The following PHLPP2 variants were observed in gnomAD, a reference collection of about 807,000 sequenced individuals.
PHLPP2 encodes the protein PH domain leucine-rich repeat-containing protein phosphatase 2.
A neutral mutation model predicts 124.9 loss-of-function variants in PHLPP2; 66 were observed. The ratio of observed to expected loss-of-function variants is 0.53; its 90% CI spans 0.43 to 0.65. The LOEUF (loss-of-function observed/expected upper bound fraction) is 0.65, where lower values mean the gene tolerates loss of function less well. PHLPP2 is among the 30% of genes least tolerant of loss of function. The pLI is 0.00. For missense variants in PHLPP2, 1,685 were observed against 1,600.4 expected (o/e 1.05, Z -0.90); for synonymous variants, 681 against 624.7 (o/e 1.09, Z -1.34).
intron 3 of PHLPP2, among the ~76,000 whole-genome samples, chr16:71,691,409 C>G (rs535168166): frequency 2.5e-4 from 38 of 151,682 alleles, no homozygotes; most frequent in Admixed American, 4.6e-4. Context: ...TGCAGTGAGC[C>G]AAGATCATGC....
At chr16:71,695,785 A>G (rs1414528458) in intron 3 of PHLPP2, among the ~76,000 whole-genome samples, 1 of 152,034 alleles carries the variant, frequency 6.6e-6, no homozygotes, top group African/African-American at 2.4e-5. Flanking sequence ...TCCAAGACAA[A>G]CTCTTGGGTG....
At chr16:71,671,615 T>C (rs1475106131) in intron 10 of PHLPP2, among the ~76,000 whole-genome samples, 3 of 151,790 alleles carry the variant, frequency 2.0e-5, no homozygotes, top group Admixed American at 6.6e-5. Flanking sequence ...TAAATAATAT[T>C]TTAAAAACCC....
intron 18 of PHLPP2, 126 bp downstream of exon 18, chr16:71,652,664 A>G: frequency 1.5e-6 from 1 of 668,116 alleles, no homozygotes; most frequent in Non-Finnish European, 2.6e-6. Flanking sequence ...TCTGCATTGA[A>G]CTTTTATCTG....
chr16:71,648,700 G>GACA lies in PHLPP2; in HGVS notation c.*187_*189dup. ...GACAGGAGAATGGCTTGAACCCAGG[G>GACA]ACAGAGGCTGCAGTGACCCGAGACC... On this transcript the variant is annotated 3_prime_UTR_variant, in exon 19 of 19. Coordinates refer to ENST00000568954, the MANE Select transcript of PHLPP2 (RefSeq NM_015020.3). The GACA allele has an allele frequency of 1.7e-6, 1 of 576,192 alleles. No homozygotes were observed. The highest frequency in any genetic ancestry group is 3.1e-6 in the Non-Finnish European group (1 of 325,380). 35.7% of individuals were successfully genotyped at this position (576,192 alleles called of 1,614,324 possible). A position where few individuals can be genotyped will look rare whatever the true frequency, so the allele number is the denominator to read the frequency against.
At chr16:71,703,974 T>C (rs1003692390) in intron 2 of PHLPP2, among the ~76,000 whole-genome samples, 1 of 152,202 alleles carries the variant, frequency 6.6e-6, no homozygotes, top group Non-Finnish European at 1.5e-5. Flanking sequence ...AAAGTCCGTA[T>C]GTGTTCAAAA....
intron 9 of PHLPP2, among the ~76,000 whole-genome samples, chr16:71,673,162 G>A (rs1427456801): frequency 6.6e-6 from 1 of 152,140 alleles, no homozygotes; most frequent in Non-Finnish European, 1.5e-5. Flanking sequence ...TAGTACTTCT[G>A]TGAACATATT....
rs1596984478 is a variant in PHLPP2, at chr16:71,649,027, C to T, written c.3835G>A (p.Asp1279Asn). 1.2e-6 allele frequency: 2 copies of T among 1,614,146 alleles called. No individual in the cohort carries two copies. The highest frequency in any genetic ancestry group is 1.7e-6 in the Non-Finnish European group (2 of 1,180,024). ...AGGTCATGAGGCACAACAAACTGGT[C>T]CTCTGGTTCCATCTGAGTGGGGGCA... ...FAAPTQMEPEDQFVVPHDLEE... is the reference protein window; with the variant it reads ...FAAPTQMEPENQFVVPHDLEE... Residue 1279 changes from aspartate to asparagine, a missense_variant, in exon 19 of 19, where the codon GAC becomes AAC. Physicochemically the swap from Asp to Asn is conservative, Grantham distance 23 (BLOSUM62 1). Transcript: ENST00000568954.
At chr16:71,690,294 C>G (rs2045097190) in intron 4 of PHLPP2, among the ~76,000 whole-genome samples, 1 of 152,182 alleles carries the variant, frequency 6.6e-6, no homozygotes, top group South Asian at 2.1e-4. Flanking sequence ...GCCCCAGAAT[C>G]TAATGCCTAG....
chr16:71,691,252 A>T (rs997801203), intron 3 of PHLPP2, among the ~76,000 whole-genome samples: 2 of 152,158 alleles, frequency 1.3e-5, no homozygotes, highest in Admixed American at 6.5e-5. Flanking sequence ...CAGGAGATCG[A>T]GACCATCCTG....
At chr16:71,673,694 A>G (rs1428960676) in intron 9 of PHLPP2, among the ~76,000 whole-genome samples, 2 of 152,162 alleles carry the variant, frequency 1.3e-5, no homozygotes, top group Non-Finnish European at 2.9e-5. Context: ...AAATATTTAC[A>G]AAGAGTAAAT....
intron 1 of PHLPP2, among the ~76,000 whole-genome samples, chr16:71,716,214 T>C (rs1025315848): frequency 6.6e-6 from 1 of 152,218 alleles, no homozygotes; most frequent in Admixed American, 6.5e-5. Flanking sequence ...GTTGACAGCA[T>C]TCAGTTTGCT....
At chr16:71,656,211 A>T (rs1296659483) in intron 16 of PHLPP2, among the ~76,000 whole-genome samples, 1 of 152,138 alleles carries the variant, frequency 6.6e-6, no homozygotes, top group African/African-American at 2.4e-5. Context: ...GGTCTAAGGA[A>T]GAGGATCATA....
chr16:71,663,949 G>A lies in PHLPP2; in HGVS notation c.1935C>T (p.His645=). The stretch of plus-strand genomic sequence containing the variant: ...TGTTTGCAAGGTGCAAGATTCGCAG[G>A]TGCAGGTGCCCTACCAGGACAGGTA... ...QCIPVLVGHL[H]LRILHLANNQ... Residue 645 remains histidine, a synonymous_variant, in exon 13 of 19, where the codon CAC becomes CAT. Coordinates refer to ENST00000568954, the MANE Select transcript of PHLPP2 (RefSeq NM_015020.3). 1.2e-6 allele frequency: 2 copies of A among 1,614,134 alleles called. No individual in the cohort carries two copies. The highest frequency in any genetic ancestry group is 1.3e-5 in the African/African-American group (1 of 75,048).
chr16:71,648,905 G>A lies in PHLPP2; in HGVS notation c.3957C>T (p.Phe1319=), dbSNP rs760184822. 20 of 1,611,928 alleles carry A rather than the reference G, an allele frequency of 1.2e-5. No individual in the cohort carries two copies. The highest frequency in any genetic ancestry group is 2.7e-5 in the African/African-American group (2 of 74,848). ...AGTGGGGCAGTCATAGTGCTGTGTCGAACTCCTCCGGGGGCTCGGTCCGAT... is the reference window on the plus strand; with the variant it reads ...AGTGGGGCAGTCATAGTGCTGTGTCAAACTCCTCCGGGGGCTCGGTCCGAT... ...EEDRTEPPEE[F]DTAL The change falls in exon 19 of 19, where the codon TTC becomes TTT. Residue 1319 remains phenylalanine, a synonymous_variant. Transcript: ENST00000568954.
intron 2 of PHLPP2, among the ~76,000 whole-genome samples, chr16:71,714,147 C>A (rs532838694): frequency 5.3e-5 from 8 of 152,122 alleles, no homozygotes; most frequent in Admixed American, 2.0e-4. Context: ...GCCATGTTGA[C>A]CAGGCTGGTC....
In PHLPP2 at chr16:71,714,803, T is replaced by TA. The variant is rs1253654499; in HGVS notation, c.-6-3dup. The TA allele has an allele frequency of 6.2e-7, 1 of 1,606,680 alleles. No homozygotes were observed. Among genetic ancestry groups the TA allele is most frequent in the Admixed American group, 1.7e-5 (1 of 58,794 alleles). On this transcript the variant is annotated splice_region_variant and splice_polypyrimidine_tract_variant and intron_variant, in intron 1 of 18. Coordinates refer to ENST00000568954, the MANE Select transcript of PHLPP2 (RefSeq NM_015020.3). ...GCTCCCATTGCGTTTCATATTTCTC[T>TA]AAAAAATATCAAGAGAAAGAAATCG...
intron 12 of PHLPP2, among the ~76,000 whole-genome samples, chr16:71,665,782 T>C (rs1218334876): frequency 1.3e-5 from 2 of 152,212 alleles, no homozygotes; most frequent in Non-Finnish European, 2.9e-5. Flanking sequence ...GCGTTATGCA[T>C]TGCTAACAAA....
intron 2 of PHLPP2, among the ~76,000 whole-genome samples, chr16:71,704,644 G>GA (rs1173328022): frequency 2.0e-5 from 3 of 151,270 alleles, no homozygotes; most frequent in Admixed American, 6.6e-5. Flanking sequence ...AATGATCAAA[G>GA]AAAAAAAAGC....
chr16:71,692,388 T>C (rs1335194318), intron 3 of PHLPP2, among the ~76,000 whole-genome samples: 1 of 152,044 alleles, frequency 6.6e-6, no homozygotes, highest in Non-Finnish European at 1.5e-5. Flanking sequence ...TTTATACAAT[T>C]AGGTATCACT....
Sources: allele counts gnomAD v4.1 joint callset (sites outside exome capture counted in the v4.1 genomes callset), GRCh38; gene constraint gnomAD v4.1.1; transcripts MANE v1.5; gene names NCBI Gene and HGNC (gene_info 2026-07-23, HGNC 2026-07-21).